NAV1: variants seen among roughly 807,000 people sequenced by gnomAD.
The protein encoded by NAV1 is neuron navigator 1.
NAV1 carries 18 observed loss-of-function variants against 175.2 expected under a neutral mutation model. That is an observed-to-expected ratio of 0.10 (90% CI 0.07 to 0.15). The LOEUF (loss-of-function observed/expected upper bound fraction) is 0.15. Ranked by LOEUF, NAV1 falls within the 10% of genes least tolerant of loss-of-function variation. NAV1 has a pLI of 1.00. For missense variants in NAV1, 1,731 were observed against 2,436.6 expected (o/e 0.71, Z 6.10); for synonymous variants, 897 against 978.7 (o/e 0.92, Z 1.56).
At position 201,718,669 on chromosome 1, in the gene NAV1, G is replaced by A. The variant is rs202033586; in HGVS notation, c.1140G>A (p.Ser380=). 1.9e-6 allele frequency: 3 copies of A among 1,614,180 alleles called. No homozygotes were observed. Among genetic ancestry groups the A allele is most frequent in the Non-Finnish European group, 1.7e-6 (2 of 1,180,040 alleles). Reference sequence around the variant, plus strand: ...TGGAGCTGGTCGAATCCCTGGACTCGGATGAGGTGGACCTCAAGTCCGGCT... The same window carrying A: ...TGGAGCTGGTCGAATCCCTGGACTCAGATGAGGTGGACCTCAAGTCCGGCT... Residue 380 remains serine, a synonymous_variant, in exon 3 of 30, where the codon TCG becomes TCA. Transcript: ENST00000367296. The surrounding 1 kb of genome is among the most constrained non-coding windows in gnomAD (Gnocchi z 4.8).
intron 1 of NAV1, among the ~76,000 whole-genome samples, chr1:201,656,822 A>G (rs1669424038): frequency 6.6e-6 from 1 of 152,202 alleles, no homozygotes; most frequent in Admixed American, 6.5e-5. Context: ...GCTTCCCCCA[A>G]ACAGACCCCT....
intron 3 of NAV1, among the ~76,000 whole-genome samples, chr1:201,729,703 G>A (rs1293868193): frequency 6.6e-6 from 1 of 151,984 alleles, no homozygotes; most frequent in Non-Finnish European, 1.5e-5. Context: ...TCAGGAGATC[G>A]AGACCATCCT....
intron 1 of NAV1, among the ~76,000 whole-genome samples, chr1:201,583,379 A>G (rs1297823945): frequency 3.9e-5 from 6 of 152,256 alleles, no homozygotes; most frequent in Non-Finnish European, 8.8e-5. Context: ...CCCATCTGCA[A>G]TTAAGACAAA....
At chr1:201,632,835 T>G (rs1359834170) in intron 2 of NAV1, among the ~76,000 whole-genome samples, 1 of 152,218 alleles carries the variant, frequency 6.6e-6, no homozygotes, top group Non-Finnish European at 1.5e-5. Context: ...TTCTTCTCCC[T>G]TGTTGAGCTG....
intron 1 of NAV1, among the ~76,000 whole-genome samples, chr1:201,570,131 A>G (rs1393090402): frequency 6.6e-6 from 1 of 152,164 alleles, no homozygotes; most frequent in Non-Finnish European, 1.5e-5. Flanking sequence ...GGCTGACCTG[A>G]AAAACACCAA....
chr1:201,574,849 G>C (rs925713138), intron 1 of NAV1, among the ~76,000 whole-genome samples: 4 of 152,192 alleles, frequency 2.6e-5, no homozygotes, highest in African/African-American at 9.6e-5. Context: ...GGAGAGCTGC[G>C]GGGCTTGTTG....
Position 201,691,960 on chromosome 1 carries a change from C to G in NAV1, c.758-20857C>G, listed in dbSNP as rs183703338. On this transcript the variant is annotated intron_variant, in intron 1 of 29. Transcript: ENST00000367296. The stretch of plus-strand genomic sequence containing the variant: ...GGGCTGCTGTTCTGCTTGAAGCCAG[C>G]CCAGAAAGGGAGGCATTAGCCTCTC... Among the ~76,000 whole-genome samples the G allele has an allele frequency of 3.5e-3, 537 of 152,324 alleles. 2 individuals are homozygous for G. Among genetic ancestry groups the G allele is most frequent in the African/African-American group, 0.012 (510 of 41,574 alleles).
At chr1:201,785,788 CTTTTTTT>C (rs34841837) in intron 8 of NAV1, among the ~76,000 whole-genome samples, 2 of 99,568 alleles carry the variant, frequency 2.0e-5, no homozygotes, top group African/African-American at 3.9e-5. Flanking sequence ...ACTATTGCAA[CTTTTTTT>C]TTTTTTTTTT....
chr1:201,582,817 C>T (rs12059012), intron 1 of NAV1, among the ~76,000 whole-genome samples: 8,268 of 152,248 alleles, frequency 0.054, 530 homozygotes, highest in African/African-American at 0.16. Flanking sequence ...GGTCAACAGC[C>T]CCTGCCTGCT....
At chr1:201,768,097 G>C (rs1232309068) in intron 3 of NAV1, among the ~76,000 whole-genome samples, 1 of 152,140 alleles carries the variant, frequency 6.6e-6, no homozygotes, top group Non-Finnish European at 1.5e-5. Flanking sequence ...GGCTGAGGGA[G>C]GCGGATCACC....
At chr1:201,606,102 T>C (rs747878281) in intron 2 of NAV1, among the ~76,000 whole-genome samples, 1 of 152,170 alleles carries the variant, frequency 6.6e-6, no homozygotes, top group East Asian at 1.9e-4. Context: ...CACATGGCTA[T>C]GGGATCCACC....
At chr1:201,801,395 T>C (rs1677857090) in intron 15 of NAV1, among the ~76,000 whole-genome samples, 1 of 152,192 alleles carries the variant, frequency 6.6e-6, no homozygotes, top group Non-Finnish European at 1.5e-5. Context: ...AGGAGGACAA[T>C]TGCAAATAGC....
chr1:201,615,675 G>A (rs547718621), intron 2 of NAV1, among the ~76,000 whole-genome samples: 11 of 152,248 alleles, frequency 7.2e-5, no homozygotes, highest in East Asian at 1.9e-4. Flanking sequence ...TTGCAGATGC[G>A]GACTCTGGGC....
At chr1:201,611,376 G>A (rs2102254203) in intron 2 of NAV1, among the ~76,000 whole-genome samples, 1 of 152,326 alleles carries the variant, frequency 6.6e-6, no homozygotes, top group Admixed American at 6.5e-5. Flanking sequence ...TCTGTCCTGA[G>A]AGGTTGGCAG....
At chr1:201,734,736 G>A (rs1673040403) in intron 3 of NAV1, among the ~76,000 whole-genome samples, 1 of 152,036 alleles carries the variant, frequency 6.6e-6, no homozygotes, top group African/African-American at 2.4e-5. Context: ...CCTGGCATCT[G>A]CCCAGTGACC....
chr1:201,636,682 C>G (rs930557220), intron 2 of NAV1, among the ~76,000 whole-genome samples: 1 of 151,880 alleles, frequency 6.6e-6, no homozygotes, highest in African/African-American at 2.4e-5. Flanking sequence ...AAAATCCTTC[C>G]AGGAGAAGGA....
chr1:201,609,260 C>A (rs1224619718), intron 2 of NAV1, among the ~76,000 whole-genome samples: 1 of 152,240 alleles, frequency 6.6e-6, no homozygotes, highest in African/African-American at 2.4e-5. Flanking sequence ...CAGCCTGGAG[C>A]TGCCTTCACT....
At chr1:201,711,425 C>T (rs1671901171) in intron 1 of NAV1, among the ~76,000 whole-genome samples, 1 of 152,270 alleles carries the variant, frequency 6.6e-6, no homozygotes. Context: ...AAGCAGCTGC[C>T]TGCCAGCCGG....
rs1332828342 is a variant in NAV1, at chr1:201,812,473, C to A, written c.5033C>A (p.Thr1678Asn). 6.2e-7 allele frequency: 1 copy of A among 1,614,004 alleles called. No individual in the cohort carries two copies. The highest frequency in any genetic ancestry group is 1.3e-5 in the African/African-American group (1 of 74,918). The stretch of plus-strand genomic sequence containing the variant: ...CCCATCCTTGGTGGCAGGATGTTGA[C>A]CTTCTCCAACAACGTGGAGCCAGCC... Residue 1678 changes from threonine (T) to asparagine (N), a missense_variant, in exon 27 of 30, where the codon ACC becomes AAC. Thr to Asn is a moderately conservative substitution (Grantham distance 65). Around this residue, in one of 13 missense-constraint regions of NAV1, gnomAD observed 115 missense variants for 269.4 expected, o/e 0.43. Coordinates refer to ENST00000367296, the Ensembl canonical transcript of NAV1. This position sits in a 1 kb window ranked among gnomAD's most constrained non-coding sequence, Gnocchi z 4.6.
Sources: allele counts gnomAD v4.1 joint callset (sites outside exome capture counted in the v4.1 genomes callset), GRCh38; gene constraint gnomAD v4.1.1; regional missense constraint gnomAD v4.1.1; non-coding constraint Gnocchi (gnomAD v3.1); transcripts MANE v1.5; gene names NCBI Gene and HGNC (gene_info 2026-07-23, HGNC 2026-07-21).